MAGI2: variants seen among roughly 807,000 people sequenced by gnomAD.
MAGI2 encodes membrane-associated guanylate kinase, WW and PDZ domain-containing protein 2.
Under a neutral mutation model 133.3 loss-of-function variants are expected in MAGI2, and 35 were observed. The ratio of observed to expected loss-of-function variants is 0.26; its 90% confidence interval spans 0.20 to 0.35. The LOEUF is 0.35. Ranked by LOEUF, MAGI2 falls within the 10% of genes least tolerant of loss-of-function variation. MAGI2 has a pLI of 1.00. For synonymous variants in MAGI2, 729 were observed against 710.6 expected, an observed-to-expected ratio of 1.03 and a Z score of -0.41; for missense variants, 1,636 against 1,863.4, an observed-to-expected ratio of 0.88 and a Z score of 2.25.
intron 1 of MAGI2, among the ~76,000 whole-genome samples, chr7:79,264,187 A>C (rs1834280260): frequency 6.6e-6 from 1 of 152,202 alleles, no homozygotes; most frequent in South Asian, 2.1e-4. Context: ...AATGCTCATT[A>C]GCCACATGTG....
chr7:78,628,289 A>AAGAAATATGC (rs1554504225), intron 2 of MAGI2, among the ~76,000 whole-genome samples: 2 of 151,432 alleles, frequency 1.3e-5, no homozygotes, highest in African/African-American at 4.9e-5. Flanking sequence ...CATACATGCA[A>AAGAAATATGC]AGAAATATAT....
intron 2 of MAGI2, chr7:78,901,201 T>G (rs1016430004): frequency 6.6e-6 from 1 of 152,202 alleles, no homozygotes; most frequent in Non-Finnish European, 1.5e-5. Context: ...ATTCTGTTGT[T>G]AGTGATTTAA....
intron 6 of MAGI2, chr7:78,486,916 C>T (rs574638269): frequency 5.8e-6 from 3 of 519,434 alleles, no homozygotes; most frequent in Admixed American, 2.0e-5. Context: ...AGGAACGTAC[C>T]CAAATTTGAA....
At chr7:79,209,993 T>C (rs1316688726) in intron 1 of MAGI2, among the ~76,000 whole-genome samples, 2 of 152,024 alleles carry the variant, frequency 1.3e-5, no homozygotes, top group Non-Finnish European at 2.9e-5. Flanking sequence ...GTGGGCACTA[T>C]TGATAAACAA....
chr7:78,613,048 G>T (rs1176749775), intron 3 of MAGI2, among the ~76,000 whole-genome samples: 2 of 152,176 alleles, frequency 1.3e-5, no homozygotes, highest in African/African-American at 4.8e-5. Flanking sequence ...TCATTTAAAT[G>T]ATTAGTTTTA....
intron 2 of MAGI2, among the ~76,000 whole-genome samples, chr7:78,963,141 T>C (rs1802998320): frequency 6.6e-6 from 1 of 152,128 alleles, no homozygotes; most frequent in African/African-American, 2.4e-5. Flanking sequence ...TACTTGAACA[T>C]GGCCACACTT....
intron 10 of MAGI2, among the ~76,000 whole-genome samples, chr7:78,210,681 A>T (rs1787684731): frequency 6.6e-6 from 1 of 152,242 alleles, no homozygotes; most frequent in Admixed American, 6.5e-5. Flanking sequence ...AAAATAATGC[A>T]GCAAAATTGT....
At chr7:78,074,510 C>T (rs1011870755) in intron 21 of MAGI2, among the ~76,000 whole-genome samples, 1 of 151,988 alleles carries the variant, frequency 6.6e-6, no homozygotes, top group East Asian at 1.9e-4. Context: ...AAAAAAAAAT[C>T]GGTTTTCCCA....
intron 1 of MAGI2, among the ~76,000 whole-genome samples, chr7:79,442,959 T>C (rs953237476): frequency 6.6e-6 from 1 of 151,172 alleles, no homozygotes. Context: ...AAAAGGAAAT[T>C]AGGTATTGCA....
intron 1 of MAGI2, among the ~76,000 whole-genome samples, chr7:79,128,365 A>C (rs950860904): frequency 9.9e-5 from 15 of 152,212 alleles, no homozygotes; most frequent in African/African-American, 3.6e-4. Context: ...ATTACAAACA[A>C]AGTAGTGTGT....
chr7:78,783,176 G>C (rs1159582931), intron 2 of MAGI2, among the ~76,000 whole-genome samples: 1 of 152,002 alleles, frequency 6.6e-6, no homozygotes, highest in Non-Finnish European at 1.5e-5. Context: ...TAATATGTGG[G>C]AGTTAACTGA....
At chr7:79,124,666 G>A (rs1157974184) in intron 1 of MAGI2, 2 of 152,624 alleles carry the variant, frequency 1.3e-5, no homozygotes, top group African/African-American at 2.4e-5. Context: ...CACAAGTTAC[G>A]GAGATAATGT....
At chr7:78,346,076 T>C in intron 7 of MAGI2, 33 bp from the exon 8 acceptor site, 2 of 1,612,196 alleles carry the variant, frequency 1.2e-6, no homozygotes, top group African/African-American at 2.7e-5. Context: ...AGGATAACCG[T>C]GGGGCAAAGT....
At position 78,539,651 on chromosome 7, in the gene MAGI2, G is replaced by A. The variant is rs543753753; in HGVS notation, c.539-18006C>T. Among the ~76,000 whole-genome samples the A allele has an allele frequency of 3.9e-5, 6 of 152,198 alleles. No individual in the cohort carries two copies. In the South Asian group the frequency reaches 1.2e-3, roughly 32 times the overall value. On this transcript the variant is annotated intron_variant, in intron 3 of 21. Coordinates refer to ENST00000354212, the MANE Select transcript of MAGI2 (RefSeq NM_012301.4). Reference sequence around the variant, plus strand: ...TCCATCTTGAATCAATGTTGACCAGGCTGCAGTGATTGTTATTGCTCTTCT... The same window carrying A: ...TCCATCTTGAATCAATGTTGACCAGACTGCAGTGATTGTTATTGCTCTTCT...
At chr7:78,717,290 C>CAT (rs890511288) in intron 2 of MAGI2, among the ~76,000 whole-genome samples, 5 of 151,732 alleles carry the variant, frequency 3.3e-5, no homozygotes, top group African/African-American at 1.2e-4. Flanking sequence ...CACACACACA[C>CAT]AGAGTGAAAA....
intron 9 of MAGI2, among the ~76,000 whole-genome samples, chr7:78,293,987 TTAATAGGTCC>T (rs1446176831): frequency 8.5e-5 from 13 of 152,174 alleles, no homozygotes; most frequent in Admixed American, 6.5e-5. Flanking sequence ...AAATGACGAG[TTAATAGGTCC>T]AGCACACCAA....
chr7:78,834,645 T>C (rs1377726126), intron 2 of MAGI2, among the ~76,000 whole-genome samples: 4 of 152,198 alleles, frequency 2.6e-5, no homozygotes, highest in Admixed American at 2.6e-4. Context: ...AATGAACACA[T>C]GCATAAAAGC....
At chr7:78,311,464 G>A (rs1798697337) in intron 9 of MAGI2, among the ~76,000 whole-genome samples, 1 of 152,234 alleles carries the variant, frequency 6.6e-6, no homozygotes, top group South Asian at 2.1e-4. Flanking sequence ...TCAGAATCCA[G>A]ACTACAGAGG....
In MAGI2 at chr7:78,116,035, A is replaced by G. The variant is rs181140009; in HGVS notation, c.3567+9659T>C. Among the ~76,000 whole-genome samples, 176 of 152,358 alleles carry G rather than the reference A, an allele frequency of 1.2e-3. 3 individuals are homozygous for G. The highest frequency in any genetic ancestry group is 1.2e-4 in the Non-Finnish European group (8 of 68,020). On this transcript the variant is annotated intron_variant, in intron 20 of 21. Coordinates refer to ENST00000354212, the MANE Select transcript of MAGI2 (RefSeq NM_012301.4). Reference sequence around the variant, plus strand: ...GAATGCACATTCTTTCCAAGCACACATGGATCATATATAAAAAATGCAACA... The same window carrying G: ...GAATGCACATTCTTTCCAAGCACACGTGGATCATATATAAAAAATGCAACA...
Sources: allele counts gnomAD v4.1 joint callset (sites outside exome capture counted in the v4.1 genomes callset), GRCh38; gene constraint gnomAD v4.1.1; transcripts MANE v1.5; gene names NCBI Gene and HGNC (gene_info 2026-07-23, HGNC 2026-07-21).